The following ZC3H4 variants were observed in gnomAD, a reference collection of about 807,000 sequenced individuals.
ZC3H4 encodes the protein zinc finger CCCH domain-containing protein 4.
ZC3H4 carries 13 observed loss-of-function variants against 108.3 expected under a neutral mutation model. The observed-to-expected ratio is 0.12, with a 90% CI of 0.08 to 0.19. ZC3H4 has a LOEUF of 0.19. Among genes scored for constraint, ZC3H4 ranks in the 10% least tolerant of loss-of-function variants. ZC3H4 has a pLI of 1.00. For missense variants in ZC3H4, 1,734 were observed against 1,838.8 expected, an observed-to-expected ratio of 0.94 and a Z score of 1.04; for synonymous variants, 917 against 749.6, an observed-to-expected ratio of 1.22 and a Z score of -3.65.
At chr19:47,097,314 T>G (rs1346979290) in intron 2 of ZC3H4, among the ~76,000 whole-genome samples, 4 of 152,210 alleles carry the variant, frequency 2.6e-5, no homozygotes, top group African/African-American at 7.2e-5. Flanking sequence ...ATAGGATTTT[T>G]TTGTTGTTGT....
At position 47,082,395 on chromosome 19, in the gene ZC3H4, G is replaced by C; in HGVS notation, c.1219-100C>G. 3 of 893,324 alleles carry C rather than the reference G, an allele frequency of 3.4e-6. No homozygotes were observed. The South Asian group carries it at 4.2e-5, about 12-fold the overall frequency. The allele number at this position is 893,324 out of a possible 1,614,324, so 55.3% of individuals were successfully genotyped here. A position where few individuals can be genotyped will look rare whatever the true frequency, so the allele number is the denominator to read the frequency against. On this transcript the variant is annotated intron_variant, in intron 9 of 14. Transcript: ENST00000253048. ...AATACTGTCACTGCTGGTGCATGGA[G>C]GGGCCAATGACAGAAACGAATCCCC...
rs1452772384 is a variant in ZC3H4, at chr19:47,065,636, C to T, written c.*720G>A. The T allele has an allele frequency of 6.5e-6, 1 of 152,950 alleles. No homozygotes were observed. Among genetic ancestry groups the T allele is most frequent in the Non-Finnish European group, 1.5e-5 (1 of 68,332 alleles). The allele number at this position is 152,950 out of a possible 1,614,324, so 9.5% of individuals were successfully genotyped here. ...CACCGGCCCCCACTACCTTTGGGTC[C>T]AGTTCTCACTGTGGAGGCTTCTGCT... On this transcript the variant is annotated 3_prime_UTR_variant, in exon 15 of 15. Coordinates refer to ENST00000253048, the MANE Select transcript of ZC3H4 (RefSeq NM_015168.2).
rs2057188468 is a variant in ZC3H4 at position 47,066,079 on chromosome 19, G to T, written c.*277C>A. On this transcript the variant is annotated 3_prime_UTR_variant, in exon 15 of 15. Transcript: ENST00000253048. ...CCCACAGAGTCTGAGGCCAGGCACT[G>T]GCGAAAGTTCACAGGTTTGCGGGCA... The T allele has an allele frequency of 1.3e-5, 4 of 314,006 alleles. No individual in the cohort carries two copies. Among genetic ancestry groups the T allele is most frequent in the Non-Finnish European group, 2.3e-5 (4 of 171,742 alleles). The allele number at this position is 314,006 out of a possible 1,614,324, so 19.5% of individuals were successfully genotyped here.
Position 47,072,797 on chromosome 19 carries a change from G to A in ZC3H4, c.1441-84C>T. ...TCCAGGTCTGAGAGCTGAAGTTTAT[G>A]AGGAAAAGTCCATAATACAAGGACC... On this transcript the variant is annotated intron_variant, in intron 11 of 14. Transcript: ENST00000253048. The surrounding 1 kb of genome is among the most constrained non-coding windows in gnomAD (Gnocchi z 5.6). 1 of 1,514,070 alleles carries A rather than the reference G, an allele frequency of 6.6e-7. No homozygotes were observed. Among genetic ancestry groups the A allele is most frequent in the East Asian group, 2.3e-5 (1 of 43,888 alleles). The allele number at this position is 1,514,070 out of a possible 1,614,324, so 93.8% of individuals were successfully genotyped here.
At chr19:47,092,544 C>T (rs893239882) in intron 4 of ZC3H4, among the ~76,000 whole-genome samples, 4 of 151,982 alleles carry the variant, frequency 2.6e-5, no homozygotes, top group Admixed American at 6.6e-5. Context: ...CAGCCGGGCA[C>T]GGTGGCTCTC....
chr19:47,092,766 G>A (rs921297143), intron 4 of ZC3H4, among the ~76,000 whole-genome samples: 3 of 151,888 alleles, frequency 2.0e-5, no homozygotes, highest in African/African-American at 2.4e-5. Context: ...GCAGTGAACC[G>A]AGATTGCCCC....
At chr19:47,086,317 C>T in intron 6 of ZC3H4, 67 bp downstream of exon 6, 1 of 1,593,676 alleles carries the variant, frequency 6.3e-7, no homozygotes, top group Non-Finnish European at 8.5e-7. Context: ...CCTCTACCAG[C>T]AGTGCTCACG....
chr19:47,096,881 G>A, intron 2 of ZC3H4: 10 of 985,426 alleles, frequency 1.0e-5, no homozygotes, highest in Non-Finnish European at 1.2e-5. Flanking sequence ...CTGAGCCGGA[G>A]TGGGTGGCAG....
chr19:47,077,592 G>C (rs913938122), intron 11 of ZC3H4, among the ~76,000 whole-genome samples: 5 of 151,904 alleles, frequency 3.3e-5, no homozygotes. Context: ...GGTGGCTCAC[G>C]CCCGTTATCC....
chr19:47,083,203 T>C (rs1447136503), intron 9 of ZC3H4, among the ~76,000 whole-genome samples: 1 of 150,092 alleles, frequency 6.7e-6, no homozygotes, highest in African/African-American at 2.5e-5. Flanking sequence ...GAGAATGGCA[T>C]GAATCCAGGA....
rs369261785 is a variant in ZC3H4, at chr19:47,091,076, C to T, written c.493-887G>A. On this transcript the variant is annotated intron_variant, in intron 4 of 14. Transcript: ENST00000253048. ...GGTCAGGAGATGCAGACGCGAAATG[C>T]GATCTCTACTAAAAATGCAAAAATG... 5.5e-4 allele frequency among the ~76,000 whole-genome samples: 83 copies of T among 151,660 alleles called. 2 individuals are homozygous for T. In the South Asian group the frequency reaches 0.016, roughly 30 times the overall value.
In ZC3H4 at chr19:47,066,326, G is replaced by C. The variant is rs2057192748; in HGVS notation, c.*30C>G. Reference sequence around the variant, plus strand: ...CTGCCCTGAATGCCACCCTAGGAAGGGTGGCTGGAGCCGCAGCTCTGGCTG... The same window carrying C: ...CTGCCCTGAATGCCACCCTAGGAAGCGTGGCTGGAGCCGCAGCTCTGGCTG... On this transcript the variant is annotated 3_prime_UTR_variant, in exon 15 of 15. Transcript: ENST00000253048. 2 of 1,477,616 alleles carry C rather than the reference G, an allele frequency of 1.4e-6. No individual in the cohort carries two copies. Among genetic ancestry groups the C allele is most frequent in the South Asian group, 1.4e-5 (1 of 71,736 alleles). 91.5% of individuals were successfully genotyped at this position (1,477,616 alleles called of 1,614,324 possible).
At chr19:47,098,352 C>T (rs959872093) in intron 2 of ZC3H4, among the ~76,000 whole-genome samples, 2 of 151,804 alleles carry the variant, frequency 1.3e-5, no homozygotes, top group African/African-American at 2.4e-5. Context: ...TAGCTGGGCG[C>T]GATGGTGGGT....
intron 9 of ZC3H4, among the ~76,000 whole-genome samples, chr19:47,083,216 C>T (rs983108011): frequency 6.7e-6 from 1 of 150,152 alleles, no homozygotes; most frequent in Non-Finnish European, 1.5e-5. Flanking sequence ...ATCCAGGAGG[C>T]AGAGCTTGCA....
intron 11 of ZC3H4, among the ~76,000 whole-genome samples, chr19:47,074,833 G>A (rs903232632): frequency 2.0e-5 from 3 of 152,182 alleles, no homozygotes; most frequent in Admixed American, 6.5e-5. Context: ...AAGAGGATGC[G>A]CCTGCTTCCT....
At chr19:47,071,475 C>T (rs1175435807) in intron 13 of ZC3H4, among the ~76,000 whole-genome samples, 1 of 152,126 alleles carries the variant, frequency 6.6e-6, no homozygotes, top group Non-Finnish European at 1.5e-5. Context: ...CCTGATGGGC[C>T]CACCAGCCTC....
Position 47,066,441 on chromosome 19 carries a change from G to A in ZC3H4, c.3827C>T (p.Pro1276Leu), listed in dbSNP as rs1037009516. The change falls in exon 15 of 15, where the codon CCG becomes CTG. Residue 1276 changes from proline (P) to leucine (L), a missense_variant. Pro to Leu is a moderately conservative substitution (Grantham distance 98). Coordinates refer to ENST00000253048, the MANE Select transcript of ZC3H4 (RefSeq NM_015168.2). ...GSGSPFAGNS[P>L]AREGEQDAAS... ...CGCATCCTGCTCACCCTCGCGGGCC[G>A]GACTGTTCCCAGCAAATGGGCTTCC... 4.6e-5 allele frequency: 73 copies of A among 1,577,802 alleles called. No homozygotes were observed. Among genetic ancestry groups the A allele is most frequent in the Admixed American group, 3.1e-4 (17 of 54,118 alleles).
In ZC3H4 at chr19:47,089,974, G is replaced by A. The variant is rs369106921; in HGVS notation, c.708C>T (p.Arg236=). 2.0e-4 allele frequency: 319 copies of A among 1,614,174 alleles called. 1 individual carries two copies. The African/African-American group carries it at 2.8e-3, about 14-fold the overall frequency. ...TGTAAGGGCAGGGCTCACCTCGGCC[G>A]CGGCTGCTGCCCTCCTTGGCACGCC... is the stretch of plus-strand genomic sequence containing the variant. ...QYRRAKEGSS[R]GRGSRGRGRG... The change falls in exon 5 of 15, where the codon CGC becomes CGT. Residue 236 remains arginine (R), a synonymous_variant. Transcript: ENST00000253048.
At chr19:47,094,873 T>C (rs1471241240) in intron 2 of ZC3H4, among the ~76,000 whole-genome samples, 3 of 152,194 alleles carry the variant, frequency 2.0e-5, no homozygotes, top group Non-Finnish European at 4.4e-5. Flanking sequence ...CTACGCCAGA[T>C]TTCCCAACAG....
Sources: allele counts gnomAD v4.1 joint callset (sites outside exome capture counted in the v4.1 genomes callset), GRCh38; gene constraint gnomAD v4.1.1; non-coding constraint Gnocchi (gnomAD v3.1); transcripts MANE v1.5; gene names NCBI Gene and HGNC (gene_info 2026-07-23, HGNC 2026-07-21).